The following RGS6 variants were observed in gnomAD, a reference collection of about 807,000 sequenced individuals.
RGS6 encodes regulator of G-protein signaling 6.
A neutral mutation model predicts 78.5 loss-of-function variants in RGS6; 30 were observed. The observed-to-expected ratio is 0.38, with a 90% CI of 0.29 to 0.52. The LOEUF (loss-of-function observed/expected upper bound fraction) is 0.52, where lower values mean the gene tolerates loss of function less well. Among genes scored for constraint, RGS6 ranks in the 20% least tolerant of loss-of-function variants. RGS6 has a pLI of 0.85. For synonymous variants in RGS6, 206 were observed against 206.0 expected, an observed-to-expected ratio of 1.00 and a Z score of 0.00; for missense variants, 495 against 609.7, an observed-to-expected ratio of 0.81 and a Z score of 1.98.
chr14:72,558,302 G>A (rs990891076), intron 17 of RGS6, among the ~76,000 whole-genome samples: 16 of 152,032 alleles, frequency 1.1e-4, no homozygotes, highest in African/African-American at 3.6e-4. Context: ...TCTTAGCATT[G>A]AAAAAGATCC....
intron 15 of RGS6, among the ~76,000 whole-genome samples, chr14:72,523,805 G>T (rs2153472799): frequency 6.6e-6 from 1 of 152,150 alleles, no homozygotes; most frequent in East Asian, 1.9e-4. Flanking sequence ...TTAGCCTTGT[G>T]AGGGGAGAAA....
Position 72,474,686 on chromosome 14 carries a change from A to T in RGS6, c.680A>T (p.Gln227Leu). The change falls in exon 10 of 18, where the codon CAA becomes CTA. Residue 227 changes from glutamine (Q) to leucine (L), a missense_variant. Transcript: ENST00000553525. ...IRKCRRLKNPQKVKKSVYGVT... is the reference protein window; with the variant it reads ...IRKCRRLKNPLKVKKSVYGVT... Reference sequence around the variant, plus strand: ...AAATGTCGACGTTTGAAGAATCCACAAAAGGTTAAAAAGGTTCGCTAGTTT... The same window carrying T: ...AAATGTCGACGTTTGAAGAATCCACTAAAGGTTAAAAAGGTTCGCTAGTTT... 1 of 1,613,848 alleles carries T rather than the reference A, an allele frequency of 6.2e-7. No homozygotes were observed. The highest frequency in any genetic ancestry group is 8.5e-7 in the Non-Finnish European group (1 of 1,179,884).
the RGS6 span, among the ~76,000 whole-genome samples, chr14:71,895,137 A>AT: frequency 6.6e-6 from 1 of 152,054 alleles, no homozygotes; most frequent in Non-Finnish European, 1.5e-5. Flanking sequence ...CTTAATACAG[A>AT]TTTTTTAGGG....
At chr14:72,132,600 T>A (rs756774688) in intron 2 of RGS6, among the ~76,000 whole-genome samples, 13 of 152,186 alleles carry the variant, frequency 8.5e-5, no homozygotes, top group Non-Finnish European at 1.6e-4. Context: ...ACATGCTGTA[T>A]GTTTGTTGCA....
chr14:72,012,531 T>G (rs544693590), intron 2 of RGS6, among the ~76,000 whole-genome samples: 14 of 152,244 alleles, frequency 9.2e-5, no homozygotes, highest in Non-Finnish European at 1.8e-4. Flanking sequence ...TTTTAGGCTC[T>G]TGCACCATTT....
Position 71,967,167 on chromosome 14 carries a change from G to A in RGS6, c.84+2292G>A, listed in dbSNP as rs569073060. On this transcript the variant is annotated intron_variant, in intron 2 of 17. Coordinates refer to ENST00000553525, the MANE Select transcript of RGS6 (RefSeq NM_001204424.2). ...AGTAATGAAACTATATCTTACTTTC[G>A]TGTGACAAACTTGTGTAAAGAGTAT... Among the ~76,000 whole-genome samples the A allele has an allele frequency of 5.2e-4, 74 of 143,116 alleles. No homozygotes were observed. In the South Asian group the frequency reaches 0.013, roughly 24 times the overall value. 93.9% of individuals were successfully genotyped at this position (143,116 alleles called of 152,430 possible).
chr14:72,161,483 A>G lies in RGS6; in HGVS notation c.85-190612A>G, dbSNP rs867880576. Reference sequence around the variant, plus strand: ...AAGTTTCACAATGGGGTGTGGAAGAATCTGTGCGAATCTCCTTCTGACCTC... The same window carrying G: ...AAGTTTCACAATGGGGTGTGGAAGAGTCTGTGCGAATCTCCTTCTGACCTC... On this transcript the variant is annotated intron_variant, in intron 2 of 17. Transcript: ENST00000553525. 3.3e-5 allele frequency among the ~76,000 whole-genome samples: 5 copies of G among 152,194 alleles called. No individual in the cohort carries two copies. In the South Asian group the frequency reaches 1.0e-3, roughly 32 times the overall value.
At chr14:72,317,079 T>G (rs2070489513) in intron 2 of RGS6, among the ~76,000 whole-genome samples, 1 of 152,162 alleles carries the variant, frequency 6.6e-6, no homozygotes, top group Non-Finnish European at 1.5e-5. Flanking sequence ...GTTCTAATGC[T>G]GGCTGTAGCA....
At chr14:72,201,161 A>G (rs1403972300) in intron 2 of RGS6, among the ~76,000 whole-genome samples, 2 of 152,154 alleles carry the variant, frequency 1.3e-5, no homozygotes, top group African/African-American at 2.4e-5. Flanking sequence ...CGTGGGATGT[A>G]TATGGTCCTG....
At chr14:72,058,646 G>A (rs2093737972) in intron 2 of RGS6, among the ~76,000 whole-genome samples, 2 of 152,090 alleles carry the variant, frequency 1.3e-5, no homozygotes, top group Non-Finnish European at 2.9e-5. Context: ...ACTCACTTAT[G>A]GACCTATAGC....
the RGS6 span, among the ~76,000 whole-genome samples, chr14:71,878,447 G>A: frequency 1.3e-5 from 2 of 152,196 alleles, no homozygotes; most frequent in African/African-American, 4.8e-5. Flanking sequence ...TGTGCTAGTG[G>A]TGGGCAAGGC....
intron 2 of RGS6, among the ~76,000 whole-genome samples, chr14:72,038,412 T>G (rs977342618): frequency 6.6e-6 from 1 of 152,228 alleles, no homozygotes; most frequent in Non-Finnish European, 1.5e-5. Flanking sequence ...TAGAATCACC[T>G]TAGTTCTACC....
At chr14:72,381,902 TG>T (rs1472967687) in intron 3 of RGS6, among the ~76,000 whole-genome samples, 225 of 152,144 alleles carry the variant, frequency 1.5e-3, no homozygotes, top group African/African-American at 4.5e-3. Flanking sequence ...CGTCCTCTAT[TG>T]TTCGGAAAAA....
intron 2 of RGS6, among the ~76,000 whole-genome samples, chr14:72,234,044 C>T (rs1055926489): frequency 6.6e-6 from 1 of 152,090 alleles, no homozygotes; most frequent in African/African-American, 2.4e-5. Context: ...TGAGTATGCT[C>T]ACTTCCTGGA....
chr14:72,536,142 G>T (rs767650621), intron 15 of RGS6, 44 bp from the exon 16 acceptor site: 9 of 1,418,726 alleles, frequency 6.3e-6, no homozygotes, highest in Non-Finnish European at 8.0e-6. Flanking sequence ...TTTAGCACTG[G>T]TTGACAGCCC....
intron 2 of RGS6, among the ~76,000 whole-genome samples, chr14:72,046,200 T>TTG (rs1428912382): frequency 2.9e-5 from 4 of 136,514 alleles, no homozygotes; most frequent in African/African-American, 7.9e-5. Flanking sequence ...AATTTCATTG[T>TTG]TGGGTTTTTT....
At position 71,988,925 on chromosome 14, in the gene RGS6, A is replaced by T. The variant is rs2094837935; in HGVS notation, c.84+24050A>T. Among the ~76,000 whole-genome samples the T allele has an allele frequency of 1.3e-5, 2 of 152,202 alleles. 1 individual carries two copies. Among genetic ancestry groups the T allele is most frequent in the South Asian group, 4.1e-4 (2 of 4,828 alleles). ...TATGTTTCCTTTCCTGAGGGGTCAC[A>T]TAATTTATGCCAGTACATTATTGAT... is the stretch of plus-strand genomic sequence containing the variant. On this transcript the variant is annotated intron_variant, in intron 2 of 17. Coordinates refer to ENST00000553525, the MANE Select transcript of RGS6 (RefSeq NM_001204424.2).
intron 2 of RGS6, among the ~76,000 whole-genome samples, chr14:72,082,805 A>T (rs2094879536): frequency 6.6e-6 from 1 of 152,204 alleles, no homozygotes; most frequent in Non-Finnish European, 1.5e-5. Flanking sequence ...CCTGAATGTC[A>T]ATATTGTTTC....
chr14:72,171,684 A>G (rs539027904), intron 2 of RGS6, among the ~76,000 whole-genome samples: 1 of 152,244 alleles, frequency 6.6e-6, no homozygotes, highest in East Asian at 1.9e-4. Context: ...CCAAGAGCAC[A>G]TCTTGACTTC....
Sources: gnomAD v4.1 joint callset for allele counts (sites outside exome capture counted in the v4.1 genomes callset) on GRCh38, gnomAD v4.1.1 for gene constraint, MANE v1.5 for transcripts, NCBI Gene and HGNC (gene_info 2026-07-23, HGNC 2026-07-21) for gene names.